The following PTPRZ1 variants were observed in gnomAD, a reference collection of about 807,000 sequenced individuals.
PTPRZ1 encodes receptor-type tyrosine-protein phosphatase zeta.
Under a neutral mutation model 214.1 loss-of-function variants are expected in PTPRZ1, and 82 were observed. The observed-to-expected ratio is 0.38, with a 90% CI of 0.32 to 0.46. The LOEUF (loss-of-function observed/expected upper bound fraction) is 0.46, where lower values mean the gene tolerates loss of function less well. Ranked by LOEUF, PTPRZ1 falls within the 20% of genes least tolerant of loss-of-function variation. The pLI is 1.00. For missense variants in PTPRZ1, 2,603 were observed against 2,748.7 expected (o/e 0.95, Z 1.19); for synonymous variants, 945 against 987.9 (o/e 0.96, Z 0.81).
At chr7:121,886,706 C>T (rs896003935) in intron 1 of PTPRZ1, among the ~76,000 whole-genome samples, 1 of 152,110 alleles carries the variant, frequency 6.6e-6, no homozygotes, top group Non-Finnish European at 1.5e-5. Context: ...TTAGGACTTT[C>T]CTTTTACATA....
At chr7:121,970,450 C>G (rs1301715585) in intron 3 of PTPRZ1, among the ~76,000 whole-genome samples, 1 of 152,132 alleles carries the variant, frequency 6.6e-6, no homozygotes, top group Non-Finnish European at 1.5e-5. Flanking sequence ...TCTCCACATC[C>G]TCTCCAGCAC....
chr7:121,922,950 A>G (rs907300710), intron 1 of PTPRZ1, among the ~76,000 whole-genome samples: 2 of 152,210 alleles, frequency 1.3e-5, no homozygotes, highest in Non-Finnish European at 1.5e-5. Flanking sequence ...AATGCCATTC[A>G]GTCAACTCAG....
chr7:121,877,013 C>T (rs1383540245), intron 1 of PTPRZ1, among the ~76,000 whole-genome samples: 1 of 152,120 alleles, frequency 6.6e-6, no homozygotes, highest in Non-Finnish European at 1.5e-5. Context: ...GGAAATGGAA[C>T]CCCCTCAGTC....
chr7:122,006,589 T>C (rs1798492678), intron 11 of PTPRZ1, among the ~76,000 whole-genome samples: 1 of 152,080 alleles, frequency 6.6e-6, no homozygotes, highest in Non-Finnish European at 1.5e-5. Context: ...CTAAAGCTAT[T>C]CCTGTCATGG....
Position 122,011,344 on chromosome 7 carries a change from A to G in PTPRZ1, c.2298A>G (p.Glu766=). ...ETPLQPSYSS[E]VFPLVTPLLL... is the part of the protein sequence containing the mutation. ...CTCTTCAACCTTCCTACAGTAGTGA[A>G]GTCTTTCCTCTAGTCACCCCTTTGT... Residue 766 remains glutamate, a synonymous_variant, in exon 12 of 30, where the codon GAA becomes GAG. Coordinates refer to ENST00000393386, the MANE Select transcript of PTPRZ1 (RefSeq NM_002851.3). 6.2e-7 allele frequency: 1 copy of G among 1,614,152 alleles called. No individual in the cohort carries two copies. The highest frequency in any genetic ancestry group is 8.5e-7 in the Non-Finnish European group (1 of 1,180,012).
At chr7:122,045,020 GCTTCTTCAAC>G (rs1279485505) in intron 23 of PTPRZ1, among the ~76,000 whole-genome samples, 1 of 151,956 alleles carries the variant, frequency 6.6e-6, no homozygotes, top group Non-Finnish European at 1.5e-5. Flanking sequence ...TGGAATAATA[GCTTCTTCAAC>G]CCCAGTTTCT....
chr7:121,916,042 G>A (rs1206493), intron 1 of PTPRZ1, among the ~76,000 whole-genome samples: 76,409 of 151,748 alleles, frequency 0.5, 21,170 homozygotes, highest in African/African-American at 0.75. Flanking sequence ...TTGGGAGGCC[G>A]AGGCGGGCAG....
chr7:121,945,055 C>G (rs1796334016), intron 2 of PTPRZ1, among the ~76,000 whole-genome samples: 1 of 152,124 alleles, frequency 6.6e-6, no homozygotes, highest in African/African-American at 2.4e-5. Flanking sequence ...CTGTCAGTTC[C>G]CATTACTCTA....
intron 29 of PTPRZ1, among the ~76,000 whole-genome samples, chr7:122,060,640 A>G (rs1365253708): frequency 2.0e-5 from 3 of 152,164 alleles, no homozygotes; most frequent in East Asian, 3.9e-4. Context: ...TGCATTCTAC[A>G]TGGGTTCCTG....
chr7:121,986,455 A>T (rs1432802941), intron 8 of PTPRZ1, among the ~76,000 whole-genome samples: 1 of 152,206 alleles, frequency 6.6e-6, no homozygotes, highest in East Asian at 1.9e-4. Context: ...ATAGTAATGG[A>T]TTTTGAGTGT....
chr7:122,010,812 C>T lies in PTPRZ1; in HGVS notation c.1766C>T (p.Ser589Phe). 6.2e-7 allele frequency: 1 copy of T among 1,614,064 alleles called. No homozygotes were observed. Among genetic ancestry groups the T allele is most frequent in the Non-Finnish European group, 8.5e-7 (1 of 1,179,994 alleles). Residue 589 changes from serine to phenylalanine, a missense_variant, in exon 12 of 30, where the codon TCC (serine) becomes TTC (phenylalanine). Physicochemically the swap from Ser to Phe is radical, Grantham distance 155 (BLOSUM62 -2). Transcript: ENST00000393386. ...LDTGAEDSSG[S>F]SPATSAIPFI... ...ACTGGAGCTGAAGATTCTTCAGGCT[C>T]CAGTCCCGCAACTTCTGCTATCCCA...
chr7:122,004,468 A>C (rs946921378), intron 10 of PTPRZ1, 146 bp from the exon 11 acceptor site: 14 of 546,410 alleles, frequency 2.6e-5, no homozygotes, highest in Admixed American at 6.7e-5. Context: ...AAAATTTGGA[A>C]TTTTTATTGT....
chr7:121,954,210 T>C (rs1796641115), intron 2 of PTPRZ1, among the ~76,000 whole-genome samples: 1 of 152,192 alleles, frequency 6.6e-6, no homozygotes. Context: ...GTAACCACAG[T>C]TACTTCCATA....
chr7:121,915,540 C>T (rs1434266905), intron 1 of PTPRZ1, among the ~76,000 whole-genome samples: 23 of 152,138 alleles, frequency 1.5e-4, no homozygotes. Context: ...TCAGCAGTCA[C>T]TATTTTCTTA....
At chr7:121,915,260 T>G (rs1795391349) in intron 1 of PTPRZ1, among the ~76,000 whole-genome samples, 1 of 152,090 alleles carries the variant, frequency 6.6e-6, no homozygotes, top group Admixed American at 6.5e-5. Context: ...GAGGTTCAGG[T>G]AGGAAGTGAG....
At chr7:122,054,186 G>A in intron 26 of PTPRZ1, 148 bp downstream of exon 26, 1 of 856,584 alleles carries the variant, frequency 1.2e-6, no homozygotes. Context: ...CTGCTGTTGG[G>A]CTTGGTTTCA....
intron 2 of PTPRZ1, among the ~76,000 whole-genome samples, chr7:121,930,153 G>C (rs974386651): frequency 5.9e-5 from 9 of 152,098 alleles, no homozygotes; most frequent in Admixed American, 2.0e-4. Flanking sequence ...CAGGAAGAGT[G>C]AACAAATTAA....
intron 23 of PTPRZ1, among the ~76,000 whole-genome samples, chr7:122,047,143 C>T (rs192013581): frequency 7.2e-5 from 11 of 151,972 alleles, no homozygotes; most frequent in Non-Finnish European, 1.2e-4. Flanking sequence ...TGGAGGAGGC[C>T]GTTGGATTTA....
chr7:121,873,848 G>A (rs1340783440), intron 1 of PTPRZ1, among the ~76,000 whole-genome samples: 3 of 152,202 alleles, frequency 2.0e-5, no homozygotes, highest in Non-Finnish European at 4.4e-5. Context: ...TCGGATCCCT[G>A]CCGCCACCGT....
Sources: gnomAD v4.1 joint callset for allele counts (sites outside exome capture counted in the v4.1 genomes callset) on GRCh38, gnomAD v4.1.1 for gene constraint, MANE v1.5 for transcripts, NCBI Gene and HGNC (gene_info 2026-07-23, HGNC 2026-07-21) for gene names.